KPNA3: variants seen among roughly 807,000 people sequenced by gnomAD.
KPNA3 encodes importin subunit alpha-4.
Under a neutral mutation model 73.8 loss-of-function variants are expected in KPNA3, and 13 were observed. That is an observed-to-expected ratio of 0.18 (90% CI 0.11 to 0.28). KPNA3 has a LOEUF of 0.28. Among genes scored for constraint, KPNA3 ranks in the 10% least tolerant of loss-of-function variants. The probability of loss-of-function intolerance (pLI) is 1.00; values close to 1 mark genes in which losing one functional copy is unlikely to be tolerated. For synonymous variants in KPNA3, 186 were observed against 206.9 expected (o/e 0.90, Z 0.87); for missense variants, 360 against 618.1 (o/e 0.58, Z 4.43).
intron 1 of KPNA3, among the ~76,000 whole-genome samples, chr13:49,750,424 G>A (rs1434108567): frequency 1.3e-5 from 2 of 151,754 alleles, no homozygotes; most frequent in Non-Finnish European, 2.9e-5. Context: ...AGGTCGAGGC[G>A]GGAGGATCAC....
rs146235208 is a variant in KPNA3, at chr13:49,763,982, G to A, written c.70-16989C>T. Among the ~76,000 whole-genome samples the A allele has an allele frequency of 3.4e-3, 512 of 150,528 alleles. 1 individual carries two copies. Among genetic ancestry groups the A allele is most frequent in the Non-Finnish European group, 4.8e-3 (329 of 67,900 alleles). On this transcript the variant is annotated intron_variant, in intron 1 of 16. Transcript: ENST00000261667. The stretch of plus-strand genomic sequence containing the variant: ...TTCGGGAGACTGAGATGGAAGGATC[G>A]CCTGAGCCCAAGAGGTTGAGGCTGT...
chr13:49,742,102 C>T (rs958722759), intron 2 of KPNA3, among the ~76,000 whole-genome samples: 1 of 152,176 alleles, frequency 6.6e-6, no homozygotes, highest in Admixed American at 6.5e-5. Flanking sequence ...TCTCATTCAT[C>T]TGCATGTAGA....
chr13:49,713,377 G>C (rs1434160681), intron 10 of KPNA3, among the ~76,000 whole-genome samples: 1 of 150,242 alleles, frequency 6.7e-6, no homozygotes, highest in African/African-American at 2.5e-5. Context: ...TGTCATATGA[G>C]GGAAGTCAAA....
intron 1 of KPNA3, among the ~76,000 whole-genome samples, chr13:49,776,017 C>G (rs1237335923): frequency 2.0e-5 from 3 of 152,138 alleles, no homozygotes; most frequent in Non-Finnish European, 2.9e-5. Flanking sequence ...GCACTAGCCC[C>G]ACATCCACAA....
chr13:49,714,764 TG>T (rs1954290260), intron 10 of KPNA3, among the ~76,000 whole-genome samples: 1 of 152,068 alleles, frequency 6.6e-6, no homozygotes, highest in African/African-American at 2.4e-5. Context: ...CATTAACTAA[TG>T]GTATTAACAT....
chr13:49,712,675 G>C (rs1954270480), intron 10 of KPNA3, among the ~76,000 whole-genome samples: 1 of 151,940 alleles, frequency 6.6e-6, no homozygotes, highest in African/African-American at 2.4e-5. Flanking sequence ...AAAATGGGAG[G>C]TTGAGGCAAG....
chr13:49,702,126 C>T (rs572492400), intron 16 of KPNA3, among the ~76,000 whole-genome samples: 1 of 152,204 alleles, frequency 6.6e-6, no homozygotes, highest in East Asian at 1.9e-4. Flanking sequence ...ATTTATTTAA[C>T]CTATCTGAAC....
Position 49,746,955 on chromosome 13 carries a change from C to A in KPNA3, c.108G>T (p.Leu36=). The A allele has an allele frequency of 6.2e-7, 1 of 1,607,728 alleles. No individual in the cohort carries two copies. The highest frequency in any genetic ancestry group is 8.5e-7 in the Non-Finnish European group (1 of 1,174,714). ...AAATGTAAATCAACCTTACCTTCCGCAGTTCCACTGTCACTTCATTTCTAT... is the reference window on the plus strand; with the variant it reads ...AAATGTAAATCAACCTTACCTTCCGAAGTTCCACTGTCACTTCATTTCTAT... The part of the protein sequence containing the change: ...RRHRNEVTVE[L]RKNKRDEHLL... Residue 36 remains leucine (L), a synonymous_variant, in exon 2 of 17, where the codon CTG becomes CTT. Transcript: ENST00000261667.
Position 49,722,401 on chromosome 13 carries a change from T to C in KPNA3, c.556+76A>G, listed in dbSNP as rs1954368024. 14 of 927,770 alleles carry C rather than the reference T, an allele frequency of 1.5e-5. No individual in the cohort carries two copies. The South Asian group carries it at 1.8e-4, about 12-fold the overall frequency. The allele number at this position is 927,770 out of a possible 1,614,324, so 57.5% of individuals were successfully genotyped here. A position where few individuals can be genotyped will look rare whatever the true frequency, so the allele number is the denominator to read the frequency against. On this transcript the variant is annotated intron_variant, in intron 8 of 16. Transcript: ENST00000261667. ...ACACACATTAAATTCAGAGGAAACA[T>C]AGTATGTAATGGCTATGCCAATGTA...
intron 1 of KPNA3, among the ~76,000 whole-genome samples, chr13:49,775,180 A>AG (rs1398866009): frequency 1.6e-5 from 2 of 127,266 alleles, no homozygotes; most frequent in African/African-American, 3.4e-5. Context: ...AAAAAAAAAA[A>AG]AAAAAAGAAA....
chr13:49,784,583 AG>A (rs1376095494), intron 1 of KPNA3, among the ~76,000 whole-genome samples: 1 of 152,238 alleles, frequency 6.6e-6, no homozygotes, highest in Non-Finnish European at 1.5e-5. Context: ...AATGTTACTT[AG>A]CCATACAAAT....
chr13:49,706,457 C>A lies in KPNA3; in HGVS notation c.1033-85G>T, dbSNP rs2137531871. The A allele has an allele frequency of 5.7e-6, 5 of 878,570 alleles. No homozygotes were observed. In the East Asian group the frequency reaches 1.1e-4, roughly 19 times the overall value. The allele number at this position is 878,570 out of a possible 1,614,324, so 54.4% of individuals were successfully genotyped here. On this transcript the variant is annotated intron_variant, in intron 12 of 16. Transcript: ENST00000261667. ...CTAATATATTTTATATAGACAATAA[C>A]AAAATCACCTGAATTACGTTAAAGA...
intron 2 of KPNA3, among the ~76,000 whole-genome samples, chr13:49,736,432 C>G (rs1954521569): frequency 6.6e-6 from 1 of 152,106 alleles, no homozygotes; most frequent in African/African-American, 2.4e-5. Context: ...TCTTTTTTCC[C>G]TGCAGGATCA....
At chr13:49,754,061 C>T (rs1954689693) in intron 1 of KPNA3, among the ~76,000 whole-genome samples, 1 of 152,190 alleles carries the variant, frequency 6.6e-6, no homozygotes, top group Non-Finnish European at 1.5e-5. Flanking sequence ...ATTTGGGAAA[C>T]TGAGGCGGGT....
At chr13:49,791,522 G>C (rs1955032646) in intron 1 of KPNA3, among the ~76,000 whole-genome samples, 2 of 147,204 alleles carry the variant, frequency 1.4e-5, no homozygotes, top group Admixed American at 6.7e-5. Flanking sequence ...TGACCGCGAT[G>C]AATGTTTAGT....
chr13:49,718,625 ACT>A (rs995682410), intron 10 of KPNA3, among the ~76,000 whole-genome samples: 2 of 152,170 alleles, frequency 1.3e-5, no homozygotes, highest in African/African-American at 4.8e-5. Flanking sequence ...TATAAATTTT[ACT>A]TTTTCCTTTA....
intron 1 of KPNA3, among the ~76,000 whole-genome samples, chr13:49,756,301 G>A (rs73194405): frequency 0.11 from 16,816 of 152,180 alleles, 1,161 homozygotes; most frequent in South Asian, 0.26. Flanking sequence ...CTGGATGATG[G>A]CTCAAGTAAT....
chr13:49,791,918 C>G (rs910250792), intron 1 of KPNA3, among the ~76,000 whole-genome samples: 2 of 152,248 alleles, frequency 1.3e-5, no homozygotes, highest in Admixed American at 6.5e-5. Flanking sequence ...GTCCCCACCC[C>G]CCTCTGCGGG....
intron 15 of KPNA3, among the ~76,000 whole-genome samples, chr13:49,705,121 C>T (rs142734307): frequency 0.017 from 2,613 of 152,042 alleles, 61 homozygotes; most frequent in African/African-American, 0.059. Context: ...CACTTTGGGA[C>T]GCTGAGGCAG....
Sources: allele counts gnomAD v4.1 joint callset (sites outside exome capture counted in the v4.1 genomes callset), GRCh38; gene constraint gnomAD v4.1.1; transcripts MANE v1.5; gene names NCBI Gene and HGNC (gene_info 2026-07-23, HGNC 2026-07-21).